UST: variants seen among roughly 807,000 people sequenced by gnomAD.
UST encodes uronyl 2-sulfotransferase.
A neutral mutation model predicts 45.6 loss-of-function variants in UST; 21 were observed. That is an observed-to-expected ratio of 0.46 (90% CI 0.33 to 0.66). The LOEUF is 0.66. Among genes scored for constraint, UST ranks in the 30% least tolerant of loss-of-function variants. The pLI is 0.02. For synonymous variants in UST, 215 were observed against 200.6 expected (o/e 1.07, Z -0.61); for missense variants, 463 against 512.4 (o/e 0.90, Z 0.93).
At chr6:148,978,777 C>T (rs1260667649) in intron 5 of UST, among the ~76,000 whole-genome samples, 2 of 151,876 alleles carry the variant, frequency 1.3e-5, no homozygotes, top group African/African-American at 2.4e-5. Flanking sequence ...CACCATGGGA[C>T]GTGTATACCT....
chr6:148,861,406 T>C (rs1778310238), intron 1 of UST, among the ~76,000 whole-genome samples: 1 of 152,154 alleles, frequency 6.6e-6, no homozygotes, highest in South Asian at 2.1e-4. Context: ...TTATTAGTCT[T>C]GCTAGCGGTC....
At chr6:148,844,974 T>A (rs927245990) in intron 1 of UST, among the ~76,000 whole-genome samples, 2 of 152,244 alleles carry the variant, frequency 1.3e-5, no homozygotes, top group African/African-American at 4.8e-5. Context: ...TTGTTTTTTT[T>A]AATGGCTGCA....
At chr6:148,784,946 G>A (rs979555855) in intron 1 of UST, among the ~76,000 whole-genome samples, 1 of 152,100 alleles carries the variant, frequency 6.6e-6, no homozygotes, top group Admixed American at 6.5e-5. Flanking sequence ...GCAGTGGCTC[G>A]TGCCTGTAAT....
chr6:149,041,509 T>C (rs1261483595), intron 7 of UST, among the ~76,000 whole-genome samples: 1 of 152,196 alleles, frequency 6.6e-6, no homozygotes, highest in Non-Finnish European at 1.5e-5. Context: ...CCCTTGCTCT[T>C]CTGGAGGGAA....
At chr6:148,988,749 C>G (rs185816179) in intron 5 of UST, among the ~76,000 whole-genome samples, 30 of 152,270 alleles carry the variant, frequency 2.0e-4, no homozygotes, top group Admixed American at 1.7e-3. Flanking sequence ...CCCTCCCCAC[C>G]TCTTCCCAAC....
chr6:149,044,380 C>T (rs988258648), intron 7 of UST, among the ~76,000 whole-genome samples: 2 of 152,144 alleles, frequency 1.3e-5, no homozygotes, highest in African/African-American at 4.8e-5. Context: ...TTTGTGGCCT[C>T]CATTATGGTA....
chr6:148,822,649 C>A (rs1042282986), intron 1 of UST, among the ~76,000 whole-genome samples: 1 of 152,186 alleles, frequency 6.6e-6, no homozygotes, highest in Admixed American at 6.5e-5. Flanking sequence ...TGAAATATCT[C>A]TGTCGGGGAA....
At chr6:148,766,720 AGAATAACCTG>A (rs2114666708) in intron 1 of UST, among the ~76,000 whole-genome samples, 1 of 152,312 alleles carries the variant, frequency 6.6e-6, no homozygotes, top group South Asian at 2.1e-4. Context: ...GCTGCATGAT[AGAATAACCTG>A]GAGAACTTTG....
At chr6:149,053,504 T>C (rs1161999836) in intron 7 of UST, among the ~76,000 whole-genome samples, 2 of 152,222 alleles carry the variant, frequency 1.3e-5, no homozygotes, top group East Asian at 1.9e-4. Context: ...CCCAAACTTA[T>C]GTGTTGTGTG....
chr6:148,932,285 A>G (rs1779935421), intron 2 of UST, among the ~76,000 whole-genome samples: 1 of 152,056 alleles, frequency 6.6e-6, no homozygotes, highest in South Asian at 2.1e-4. Flanking sequence ...GAGGCTGAGG[A>G]ATGAGAATCA....
chr6:148,774,208 C>T (rs986881334), intron 1 of UST, among the ~76,000 whole-genome samples: 4 of 151,650 alleles, frequency 2.6e-5, no homozygotes, highest in Non-Finnish European at 5.9e-5. Flanking sequence ...GTTAAAGAAG[C>T]GTGTGACACG....
intron 1 of UST, among the ~76,000 whole-genome samples, chr6:148,826,458 C>T (rs532571179): frequency 1.3e-5 from 2 of 151,846 alleles, no homozygotes; most frequent in African/African-American, 2.4e-5. Flanking sequence ...GAATTAACTA[C>T]ATAGGTTATA....
chr6:148,813,812 G>T (rs1777306319), intron 1 of UST, among the ~76,000 whole-genome samples: 1 of 152,102 alleles, frequency 6.6e-6, no homozygotes, highest in African/African-American at 2.4e-5. Flanking sequence ...TGTAGACCAG[G>T]ATACTGAAAG....
chr6:149,062,902 G>A (rs1408693152), intron 7 of UST, among the ~76,000 whole-genome samples: 8 of 152,234 alleles, frequency 5.3e-5, no homozygotes, highest in African/African-American at 1.9e-4. Context: ...ATGAAAATGA[G>A]AGGGATGTGC....
chr6:149,052,824 A>C (rs1776507626), intron 7 of UST, among the ~76,000 whole-genome samples: 1 of 152,182 alleles, frequency 6.6e-6, no homozygotes, highest in South Asian at 2.1e-4. Context: ...ACTAGTTGGA[A>C]TTACTAAAAT....
intron 2 of UST, among the ~76,000 whole-genome samples, chr6:148,935,333 G>T (rs17080176): frequency 1.3e-5 from 2 of 152,154 alleles, no homozygotes; most frequent in South Asian, 4.2e-4. Context: ...TCATATAACC[G>T]CAGTTGCCAA....
chr6:148,807,017 A>G (rs1481201148), intron 1 of UST, among the ~76,000 whole-genome samples: 1 of 152,232 alleles, frequency 6.6e-6, no homozygotes, highest in Non-Finnish European at 1.5e-5. Flanking sequence ...AGGGGACATT[A>G]AACCACAGCA....
chr6:148,878,862 A>G (rs78624661), intron 1 of UST, among the ~76,000 whole-genome samples: 5,251 of 151,648 alleles, frequency 0.035, 133 homozygotes, highest in Non-Finnish European at 0.048. Context: ...GAGTGTGGGG[A>G]TCATGTATGA....
chr6:148,978,910 A>G (rs1339855992), intron 5 of UST, among the ~76,000 whole-genome samples: 1 of 152,188 alleles, frequency 6.6e-6, no homozygotes, highest in Admixed American at 6.5e-5. Context: ...GCTAATTGCC[A>G]AATTTCGCTC....
Sources: gnomAD v4.1 joint callset for allele counts (sites outside exome capture counted in the v4.1 genomes callset) on GRCh38, gnomAD v4.1.1 for gene constraint, MANE v1.5 for transcripts, NCBI Gene and HGNC (gene_info 2026-07-23, HGNC 2026-07-21) for gene names.